The following SRGAP3 variants were observed in gnomAD, a reference collection of about 807,000 sequenced individuals.
SRGAP3 encodes SLIT-ROBO Rho GTPase-activating protein 3.
In SRGAP3, 39 loss-of-function variants were observed where a neutral mutation model predicts 121.1. That is an observed-to-expected ratio of 0.32 (90% confidence interval 0.25 to 0.42). The LOEUF is 0.42. SRGAP3 is among the 10% of genes least tolerant of loss of function. The probability of loss-of-function intolerance (pLI) is 1.00; values close to 1 mark genes in which losing one functional copy is unlikely to be tolerated. For missense variants in SRGAP3, 1,213 were observed against 1,470.6 expected (o/e 0.82, Z 2.86); for synonymous variants, 601 against 570.0 (o/e 1.05, Z -0.77).
At chr3:9,320,293 G>A (rs565779440) in intron 3 of SRGAP3, among the ~76,000 whole-genome samples, 1 of 151,926 alleles carries the variant, frequency 6.6e-6, no homozygotes, top group Non-Finnish European at 1.5e-5. Flanking sequence ...ATATGGTTTG[G>A]ATCTGTGTTC....
chr3:8,984,563 C>T lies in SRGAP3; in HGVS notation c.*956G>A, dbSNP rs1486530202. 1 of 232,702 alleles carries T rather than the reference C, an allele frequency of 4.3e-6. No homozygotes were observed. Among genetic ancestry groups the T allele is most frequent in the African/African-American group, 2.2e-5 (1 of 45,346 alleles). The allele number at this position is 232,702 out of a possible 1,614,324, so 14.4% of individuals were successfully genotyped here. ...ACTGTATTTTTATTTTTCCCAACCA[C>T]ATGTAATACTGTGCTACGATGGGGC... On this transcript the variant is annotated 3_prime_UTR_variant, in exon 22 of 22. Coordinates refer to ENST00000383836, the MANE Select transcript of SRGAP3 (RefSeq NM_014850.4).
At chr3:9,083,449 A>G (rs1354993973) in intron 3 of SRGAP3, among the ~76,000 whole-genome samples, 1 of 152,206 alleles carries the variant, frequency 6.6e-6, no homozygotes, top group Non-Finnish European at 1.5e-5. Flanking sequence ...ATATTTGCAT[A>G]TCATATGTTC....
Position 9,239,543 on chromosome 3 carries a change from G to A in SRGAP3, c.67+9342C>T, listed in dbSNP as rs1241837958. Reference sequence around the variant, plus strand: ...ATCTGTGCCATTATCACCTAGCACTGGCTATGCAATCCCAGGGGGAAGAGC... The same window carrying A: ...ATCTGTGCCATTATCACCTAGCACTAGCTATGCAATCCCAGGGGGAAGAGC... On this transcript the variant is annotated intron_variant, in intron 1 of 21. Transcript: ENST00000383836. The surrounding 1 kb of genome is among the most constrained non-coding windows in gnomAD (Gnocchi z 4.0). 1.3e-5 allele frequency among the ~76,000 whole-genome samples: 2 copies of A among 152,148 alleles called. No individual in the cohort carries two copies. The highest frequency in any genetic ancestry group is 1.3e-4 in the Admixed American group (2 of 15,280).
At chr3:9,038,185 AATT>A in intron 10 of SRGAP3, 95 bp from the exon 11 acceptor site, 1 of 1,501,896 alleles carries the variant, frequency 6.7e-7, no homozygotes, top group Non-Finnish European at 9.2e-7. Context: ...AATGAGTCTT[AATT>A]ATTTATGAAA....
At chr3:9,134,221 C>A (rs538559991) in intron 1 of SRGAP3, among the ~76,000 whole-genome samples, 32 of 152,216 alleles carry the variant, frequency 2.1e-4, no homozygotes, top group Middle Eastern at 3.4e-3. Context: ...AATGTAGCTT[C>A]CCAGACCCCA....
At chr3:9,294,070 T>C (rs1954911930) in intron 3 of SRGAP3, among the ~76,000 whole-genome samples, 1 of 152,058 alleles carries the variant, frequency 6.6e-6, no homozygotes, top group Non-Finnish European at 1.5e-5. Flanking sequence ...AGCAAAGACA[T>C]GGAATCAACG....
chr3:9,091,387 C>T (rs963361457), intron 3 of SRGAP3, among the ~76,000 whole-genome samples: 2 of 152,062 alleles, frequency 1.3e-5, no homozygotes, highest in African/African-American at 4.8e-5. Flanking sequence ...TCAACAACAA[C>T]AACAACAACA....
At chr3:9,036,045 C>T (rs971206169) in intron 11 of SRGAP3, 5 of 152,210 alleles carry the variant, frequency 3.3e-5, no homozygotes, top group African/African-American at 1.2e-4. Flanking sequence ...TTGACATTTG[C>T]AATACGCTTT....
intron 1 of SRGAP3, among the ~76,000 whole-genome samples, chr3:9,236,528 G>C (rs1267469086): frequency 1.3e-5 from 2 of 152,152 alleles, no homozygotes; most frequent in Non-Finnish European, 2.9e-5. Context: ...CTGTTCTCAT[G>C]ATGGTGAGTG....
intron 3 of SRGAP3, among the ~76,000 whole-genome samples, chr3:9,271,623 T>C (rs1034922832): frequency 6.6e-6 from 1 of 151,940 alleles, no homozygotes; most frequent in African/African-American, 2.4e-5. Flanking sequence ...CTCATAAACC[T>C]GTGCACAGAT....
intron 3 of SRGAP3, among the ~76,000 whole-genome samples, chr3:9,097,703 C>T (rs1276192280): frequency 6.6e-6 from 1 of 152,236 alleles, no homozygotes; most frequent in Non-Finnish European, 1.5e-5. Context: ...TGCCAATGGA[C>T]TCCCTCAGAT....
At chr3:9,027,986 G>A in intron 12 of SRGAP3, 8 of 1,262,822 alleles carry the variant, frequency 6.3e-6, no homozygotes, top group Non-Finnish European at 8.1e-6. Flanking sequence ...CCCAGGGACA[G>A]GACAAGAATA....
chr3:9,301,097 G>C (rs192425940), intron 3 of SRGAP3, among the ~76,000 whole-genome samples: 41 of 152,272 alleles, frequency 2.7e-4, no homozygotes, highest in African/African-American at 9.1e-4. Context: ...TCCTCATCAA[G>C]ACCCTTCCCT....
At chr3:9,174,702 C>T (rs781701615) in intron 1 of SRGAP3, among the ~76,000 whole-genome samples, 2 of 152,206 alleles carry the variant, frequency 1.3e-5, no homozygotes, top group Non-Finnish European at 2.9e-5. Context: ...AGAGGGAAGT[C>T]GCACCCAGAC....
chr3:9,077,326 T>A (rs1947020354), intron 4 of SRGAP3, among the ~76,000 whole-genome samples: 1 of 152,148 alleles, frequency 6.6e-6, no homozygotes. Context: ...GATCCCCCAC[T>A]GTGCCCTACT....
intron 1 of SRGAP3, among the ~76,000 whole-genome samples, chr3:9,236,680 A>C (rs1403786285): frequency 1.3e-5 from 2 of 151,972 alleles, no homozygotes; most frequent in African/African-American, 2.4e-5. Flanking sequence ...CCAGAACCCA[A>C]GTAGATGTCA....
intron 1 of SRGAP3, among the ~76,000 whole-genome samples, chr3:9,187,004 G>A (rs2125131243): frequency 6.6e-6 from 1 of 152,102 alleles, no homozygotes; most frequent in Non-Finnish European, 1.5e-5. Flanking sequence ...GGACACATGT[G>A]CAGAACATGC....
chr3:9,136,394 AC>A (rs71049774), intron 1 of SRGAP3, among the ~76,000 whole-genome samples: 4,509 of 35,196 alleles, frequency 0.13, 105 homozygotes, highest in Middle Eastern at 0.18. Context: ...CGTCGCTGGG[AC>A]CCCCCCCCCC....
At chr3:9,356,262 G>A (rs1423695352) in intron 1 of SRGAP3, among the ~76,000 whole-genome samples, 1 of 146,276 alleles carries the variant, frequency 6.8e-6, no homozygotes, top group Non-Finnish European at 1.5e-5. Context: ...CACGATCTTG[G>A]CTCACTGCAA....
Sources: gnomAD v4.1 joint callset for allele counts (sites outside exome capture counted in the v4.1 genomes callset) on GRCh38, gnomAD v4.1.1 for gene constraint, Gnocchi (gnomAD v3.1) non-coding constraint, MANE v1.5 for transcripts, NCBI Gene and HGNC (gene_info 2026-07-23, HGNC 2026-07-21) for gene names.